FAM151B: variants seen among roughly 807,000 people sequenced by gnomAD.
FAM151B encodes the protein protein FAM151B.
FAM151B carries 24 observed loss-of-function variants against 31.2 expected under a neutral mutation model. That is an observed-to-expected ratio of 0.77 (90% CI 0.56 to 1.08). The LOEUF (loss-of-function observed/expected upper bound fraction) is 1.08, where lower values mean the gene tolerates loss of function less well. Among genes scored for constraint, FAM151B ranks in the 50% least tolerant of loss-of-function variants. The probability of loss-of-function intolerance (pLI) is 0.00; values close to 1 mark genes in which losing one functional copy is unlikely to be tolerated. For missense variants in FAM151B, 293 were observed against 328.6 expected (o/e 0.89, Z 0.84); for synonymous variants, 105 against 111.4 (o/e 0.94, Z 0.36).
chr5:80,520,534 A>C (rs1309579179), intron 4 of FAM151B, among the ~76,000 whole-genome samples: 1 of 151,036 alleles, frequency 6.6e-6, no homozygotes, highest in Non-Finnish European at 1.5e-5. Context: ...AGTCTCAGCT[A>C]CTCGGGAGGC....
At chr5:80,496,516 A>G (rs1419335884) in intron 1 of FAM151B, among the ~76,000 whole-genome samples, 5 of 152,196 alleles carry the variant, frequency 3.3e-5, no homozygotes, top group African/African-American at 1.2e-4. Context: ...ACTTTATTCC[A>G]GTGGCCCATA....
intron 2 of FAM151B, among the ~76,000 whole-genome samples, chr5:80,509,932 T>G (rs1744117193): frequency 6.6e-6 from 1 of 152,206 alleles, no homozygotes; most frequent in Non-Finnish European, 1.5e-5. Context: ...GAGCTTATTG[T>G]TCTCAAGCTT....
chr5:80,505,525 G>C (rs949570458), intron 2 of FAM151B, among the ~76,000 whole-genome samples: 6 of 151,614 alleles, frequency 4.0e-5, no homozygotes, highest in African/African-American at 1.5e-4. Flanking sequence ...CTCCCAAGTA[G>C]CTGGGACTGC....
At chr5:80,538,404 CTT>C (rs1211050121) in intron 5 of FAM151B, among the ~76,000 whole-genome samples, 2 of 48,488 alleles carry the variant, frequency 4.1e-5, no homozygotes, top group Non-Finnish European at 7.4e-5. Context: ...TTCTTTCTTT[CTT>C]TCTTTCTTTC....
At position 80,541,780 on chromosome 5, in the gene FAM151B, A is replaced by G. The variant is rs1349072476; in HGVS notation, c.779A>G (p.Glu260Gly). Residue 260 changes from glutamate (E) to glycine (G), a missense_variant, in exon 6 of 6, where the codon GAA becomes GGA. Transcript: ENST00000282226. ...DKKQVFYDIL[E>G]PQNHEFKQAI... ...AAACAAGTTTTCTATGACATCTTGG[A>G]ACCACAAAACCATGAATTTAAACAA... 1.9e-6 allele frequency: 3 copies of G among 1,613,478 alleles called. No homozygotes were observed. In the African/African-American group the frequency reaches 4.0e-5, roughly 22 times the overall value.
At chr5:80,527,191 G>A (rs1003637720) in intron 5 of FAM151B, among the ~76,000 whole-genome samples, 10 of 152,140 alleles carry the variant, frequency 6.6e-5, no homozygotes, top group African/African-American at 2.4e-4. Context: ...GAGAGGCCAA[G>A]GTGGGTGGAT....
At chr5:80,496,753 C>T (rs925620424) in intron 1 of FAM151B, among the ~76,000 whole-genome samples, 1 of 148,044 alleles carries the variant, frequency 6.8e-6, no homozygotes, top group Non-Finnish European at 1.5e-5. Flanking sequence ...CCAGGGAAAT[C>T]GAGGGAAGAG....
chr5:80,503,491 C>T (rs1743826567), intron 2 of FAM151B, among the ~76,000 whole-genome samples: 1 of 151,986 alleles, frequency 6.6e-6, no homozygotes, highest in Non-Finnish European at 1.5e-5. Context: ...ATCGATTGAG[C>T]CCAAGAGCTG....
chr5:80,535,959 C>G (rs1487047721), intron 5 of FAM151B, among the ~76,000 whole-genome samples: 1 of 152,070 alleles, frequency 6.6e-6, no homozygotes, highest in African/African-American at 2.4e-5. Context: ...AAAAGACATA[C>G]AAATGGCAAA....
In FAM151B at chr5:80,528,478, CACTT is replaced by C. The variant is rs549016610; in HGVS notation, c.671+6341_671+6344del. Among the ~76,000 whole-genome samples, 786 of 151,984 alleles carry C rather than the reference CACTT, an allele frequency of 5.2e-3. 3 individuals are homozygous for C. Among genetic ancestry groups the C allele is most frequent in the African/African-American group, 0.018 (739 of 41,438 alleles). ...ATCAATCTGTTGCTTACAAGGATCA[CACTT>C]CACCTATGAAGACACACATAGACTG... is the stretch of plus-strand genomic sequence containing the variant. On this transcript the variant is annotated intron_variant, in intron 5 of 5. Transcript: ENST00000282226.
At chr5:80,528,734 A>T (rs1013534297) in intron 5 of FAM151B, among the ~76,000 whole-genome samples, 1 of 148,700 alleles carries the variant, frequency 6.7e-6, no homozygotes, top group Non-Finnish European at 1.5e-5. Context: ...CAGTCTCAGA[A>T]AAAAAAAAAA....
At chr5:80,528,366 CAAT>C (rs1356287913) in intron 5 of FAM151B, among the ~76,000 whole-genome samples, 1 of 151,180 alleles carries the variant, frequency 6.6e-6, no homozygotes, top group East Asian at 1.9e-4. Flanking sequence ...CCTTACTTAT[CAAT>C]AATAACATTG....
intron 2 of FAM151B, among the ~76,000 whole-genome samples, chr5:80,508,577 C>T (rs1744069563): frequency 6.6e-6 from 1 of 152,072 alleles, no homozygotes; most frequent in African/African-American, 2.4e-5. Flanking sequence ...CTTATATTTG[C>T]AGCTGAGTAG....
intron 3 of FAM151B, among the ~76,000 whole-genome samples, chr5:80,516,025 T>C (rs1482899786): frequency 5.3e-5 from 8 of 152,192 alleles, no homozygotes; most frequent in Admixed American, 5.2e-4. Flanking sequence ...GGTACACAAA[T>C]AAAAAGTATT....
chr5:80,493,371 G>A (rs1561358638), intron 1 of FAM151B, among the ~76,000 whole-genome samples: 1 of 148,334 alleles, frequency 6.7e-6, no homozygotes. Context: ...TGTAAAACAT[G>A]TGTGTTTGAA....
chr5:80,522,008 A>T lies in FAM151B; in HGVS notation c.541A>T (p.Ser181Cys), dbSNP rs200357393. ...WHPEKVNEGY[S>C]WTMVKEMEYI... Reference sequence around the variant, plus strand: ...TTTTTTTCTTTTCTTTTAAGGGTACAGTTGGACAATGGTGAAAGAGATGGA... The same window carrying T: ...TTTTTTTCTTTTCTTTTAAGGGTACTGTTGGACAATGGTGAAAGAGATGGA... Residue 181 changes from serine (S) to cysteine (C), a missense_variant, in exon 5 of 6, where the codon AGT becomes TGT. By Grantham distance (112) the Ser-to-Cys change is moderately radical (BLOSUM62 -1). Transcript: ENST00000282226. The T allele has an allele frequency of 2.8e-5, 44 of 1,578,440 alleles. No homozygotes were observed. Among genetic ancestry groups the T allele is most frequent in the Non-Finnish European group, 3.7e-5 (43 of 1,154,960 alleles).
In FAM151B at chr5:80,538,458, C is replaced by G. The variant is rs866498347; in HGVS notation, c.672-3215C>G. 1.8e-3 allele frequency among the ~76,000 whole-genome samples: 128 copies of G among 69,728 alleles called. 3 individuals are homozygous for G. The highest frequency in any genetic ancestry group is 6.2e-3 in the African/African-American group (108 of 17,494). 45.7% of individuals were successfully genotyped at this position (69,728 alleles called of 152,430 possible). ...TTTCTTTCTTTCTTTCTCTTTCTTT[C>G]TTTCTTTCTTTCTTTCTTTCTTTCT... On this transcript the variant is annotated intron_variant, in intron 5 of 5. Transcript: ENST00000282226.
chr5:80,514,476 AAATAATAATAATAATAATAAT>A (rs139355800), intron 3 of FAM151B, among the ~76,000 whole-genome samples: 3 of 139,356 alleles, frequency 2.2e-5, no homozygotes, highest in African/African-American at 5.3e-5. Flanking sequence ...ACTCCCTCTC[AAATAATAATAATAATAATAAT>A]AATAATAATA....
chr5:80,531,608 A>G (rs546436408), intron 5 of FAM151B, among the ~76,000 whole-genome samples: 1 of 152,210 alleles, frequency 6.6e-6, no homozygotes, highest in South Asian at 2.1e-4. Context: ...AGAAGCAGAC[A>G]TTTATGCAGC....
Sources: allele counts gnomAD v4.1 joint callset (sites outside exome capture counted in the v4.1 genomes callset), GRCh38; gene constraint gnomAD v4.1.1; transcripts MANE v1.5; gene names NCBI Gene and HGNC (gene_info 2026-07-23, HGNC 2026-07-21).